Variants in LINGO2 observed in about 807,000 individuals in gnomAD.
The protein encoded by LINGO2 is leucine-rich repeat and immunoglobulin-like domain-containing nogo receptor-interacting protein 2.
In LINGO2, 14 loss-of-function variants were observed where a neutral mutation model predicts 30.6. The ratio of observed to expected loss-of-function variants is 0.46; its 90% confidence interval spans 0.30 to 0.72. LINGO2 has a LOEUF of 0.72. Ranked by LOEUF, LINGO2 falls within the 30% of genes least tolerant of loss-of-function variation. The pLI, the probability that LINGO2 is intolerant of heterozygous loss-of-function variation, is 0.07. For missense variants in LINGO2, 729 were observed against 751.7 expected, an observed-to-expected ratio of 0.97 and a Z score of 0.35; for synonymous variants, 317 against 288.5, an observed-to-expected ratio of 1.10 and a Z score of -1.00.
the LINGO2 span, among the ~76,000 whole-genome samples, chr9:29,103,040 C>A: frequency 1.9e-3 from 291 of 151,982 alleles, 1 homozygote; most frequent in African/African-American, 6.6e-3. Context: ...CTTGAAGAAA[C>A]AAAACAACAG....
chr9:28,292,076 T>C (rs1024772476), intron 4 of LINGO2, among the ~76,000 whole-genome samples: 2 of 152,216 alleles, frequency 1.3e-5, no homozygotes, highest in African/African-American at 2.4e-5. Flanking sequence ...AAAAGTATCC[T>C]GAGTTATCCT....
rs568059260 is a variant in LINGO2, at chr9:28,311,551, T to C, written c.-245-16185A>G. Reference sequence around the variant, plus strand: ...AGGGACGCATTCTCTTTCTCAGGGATGTTCCTTGCTGAGAAAAAGAATTCA... The same window carrying C: ...AGGGACGCATTCTCTTTCTCAGGGACGTTCCTTGCTGAGAAAAAGAATTCA... On this transcript the variant is annotated intron_variant, in intron 3 of 5. Coordinates refer to ENST00000379992, the Ensembl canonical transcript of LINGO2. 4.6e-5 allele frequency among the ~76,000 whole-genome samples: 7 copies of C among 152,296 alleles called. No homozygotes were observed. In the East Asian group the frequency reaches 1.4e-3, roughly 29 times the overall value.
chr9:28,886,410 A>G, the LINGO2 span, among the ~76,000 whole-genome samples: 1 of 152,146 alleles, frequency 6.6e-6, no homozygotes, highest in Non-Finnish European at 1.5e-5. Context: ...TGAAGAGCCA[A>G]TTAAGTCATA....
intron 1 of LINGO2, among the ~76,000 whole-genome samples, chr9:28,547,094 C>A (rs536036492): frequency 2.6e-5 from 4 of 152,186 alleles, no homozygotes; most frequent in Non-Finnish European, 5.9e-5. Context: ...TCCTGAGACA[C>A]TAAACATGTC....
chr9:29,184,562 C>T, the LINGO2 span, among the ~76,000 whole-genome samples: 3 of 152,104 alleles, frequency 2.0e-5, no homozygotes, highest in African/African-American at 7.2e-5. Flanking sequence ...GGGGATACAT[C>T]TCCCAATTTA....
At chr9:28,752,792 A>G in the LINGO2 span, among the ~76,000 whole-genome samples, 1 of 152,014 alleles carries the variant, frequency 6.6e-6, no homozygotes, top group African/African-American at 2.4e-5. Flanking sequence ...ATACAGAAAA[A>G]AAGTGATGAC....
the LINGO2 span, among the ~76,000 whole-genome samples, chr9:29,083,051 A>G: frequency 6.6e-6 from 1 of 152,268 alleles, no homozygotes; most frequent in South Asian, 2.1e-4. Context: ...TAGAACTAGA[A>G]ATACCATTTG....
chr9:29,168,107 A>G, the LINGO2 span, among the ~76,000 whole-genome samples: 1 of 152,140 alleles, frequency 6.6e-6, no homozygotes, highest in East Asian at 1.9e-4. Context: ...TGAACTAGGA[A>G]TAGAAAGACC....
chr9:28,827,872 G>A, the LINGO2 span, among the ~76,000 whole-genome samples: 1 of 152,054 alleles, frequency 6.6e-6, no homozygotes, highest in African/African-American at 2.4e-5. Context: ...AACCAAGAAT[G>A]TGACTTTCCT....
chr9:29,204,983 C>G, the LINGO2 span, among the ~76,000 whole-genome samples: 1 of 152,208 alleles, frequency 6.6e-6, no homozygotes, highest in African/African-American at 2.4e-5. Flanking sequence ...CTATTCCTAA[C>G]TTGCTAACAG....
chr9:28,871,084 T>C, the LINGO2 span, among the ~76,000 whole-genome samples: 1 of 151,934 alleles, frequency 6.6e-6, no homozygotes, highest in Non-Finnish European at 1.5e-5. Context: ...ATGATGATTG[T>C]GGCAACTTTT....
the LINGO2 span, among the ~76,000 whole-genome samples, chr9:28,873,175 C>T: frequency 1.3e-5 from 2 of 151,828 alleles, no homozygotes; most frequent in Non-Finnish European, 2.9e-5. Flanking sequence ...TCAAAATCAG[C>T]CTGGCCAGCA....
chr9:28,658,634 G>A (rs1337836388), intron 1 of LINGO2, among the ~76,000 whole-genome samples: 1 of 152,016 alleles, frequency 6.6e-6, no homozygotes, highest in Non-Finnish European at 1.5e-5. Flanking sequence ...ACTAAAGTGT[G>A]TCTCTTACAG....
At chr9:28,330,817 C>T (rs976163825) in intron 3 of LINGO2, among the ~76,000 whole-genome samples, 8 of 151,978 alleles carry the variant, frequency 5.3e-5, no homozygotes, top group Non-Finnish European at 1.0e-4. Context: ...ATGTGGTGTT[C>T]AAAAGAGTGA....
chr9:28,663,885 T>C (rs1828684555), intron 1 of LINGO2, among the ~76,000 whole-genome samples: 1 of 149,876 alleles, frequency 6.7e-6, no homozygotes, highest in Non-Finnish European at 1.5e-5. Flanking sequence ...TGGACCAATA[T>C]TCCTGGAAGA....
At chr9:28,248,505 C>T (rs900549589) in intron 4 of LINGO2, among the ~76,000 whole-genome samples, 35 of 152,142 alleles carry the variant, frequency 2.3e-4, no homozygotes, top group South Asian at 4.1e-4. Flanking sequence ...AGATTGTTGA[C>T]GGGCACAAAA....
the LINGO2 span, among the ~76,000 whole-genome samples, chr9:29,117,539 T>C: frequency 1.3e-5 from 2 of 152,008 alleles, no homozygotes; most frequent in Non-Finnish European, 2.9e-5. Context: ...GTCAAAGAGA[T>C]TGGACTTTAA....
chr9:27,998,030 T>C (rs997052956), intron 5 of LINGO2, among the ~76,000 whole-genome samples: 1 of 152,188 alleles, frequency 6.6e-6, no homozygotes, highest in African/African-American at 2.4e-5. Flanking sequence ...TAGTTTAATA[T>C]AATGAGCTTG....
the LINGO2 span, among the ~76,000 whole-genome samples, chr9:29,123,473 C>T: frequency 1.3e-5 from 2 of 151,946 alleles, no homozygotes; most frequent in East Asian, 1.9e-4. Context: ...TTATGTTTTA[C>T]CCTGAGGCTT....
Sources: allele counts gnomAD v4.1 joint callset (sites outside exome capture counted in the v4.1 genomes callset), GRCh38; gene constraint gnomAD v4.1.1; transcripts MANE v1.5; gene names NCBI Gene and HGNC (gene_info 2026-07-23, HGNC 2026-07-21).